PHF7: variants seen among roughly 807,000 people sequenced by gnomAD.
The protein encoded by PHF7 is PHD finger protein 7.
In PHF7, 24 loss-of-function variants were observed where a neutral mutation model predicts 47.5. The ratio of observed to expected loss-of-function variants is 0.51; its 90% CI spans 0.37 to 0.71. The LOEUF (loss-of-function observed/expected upper bound fraction) is 0.71, where lower values mean the gene tolerates loss of function less well. Ranked by LOEUF, PHF7 falls within the 30% of genes least tolerant of loss-of-function variation. PHF7 has a pLI of 0.00. For synonymous variants in PHF7, 156 were observed against 153.8 expected (o/e 1.01, Z -0.11); for missense variants, 361 against 456.8 (o/e 0.79, Z 1.91).
rs1470152258 is a variant in PHF7, at chr3:52,414,023, C to G, written c.69C>G (p.Thr23=). 1 of 1,611,506 alleles carries G rather than the reference C, an allele frequency of 6.2e-7. No homozygotes were observed. Among genetic ancestry groups the G allele is most frequent in the Non-Finnish European group, 8.5e-7 (1 of 1,177,722 alleles). Residue 23 remains threonine, a synonymous_variant, in exon 3 of 11, where the codon ACC becomes ACG. Transcript: ENST00000327906. ...AATCTGCCAAGACTAGGAGGGTAAC[C>G]CAGAGGAAACCGTCTTCAGGGCCTG... ...LRKSAKTRRV[T]QRKPSSGPVC...
At chr3:52,413,493 G>T (rs533933580) in intron 2 of PHF7, among the ~76,000 whole-genome samples, 1 of 152,088 alleles carries the variant, frequency 6.6e-6, no homozygotes, top group African/African-American at 2.4e-5. Flanking sequence ...CTTACAATCC[G>T]GTTCCTGCCC....
At chr3:52,420,663 G>C (rs1193689792) in intron 6 of PHF7, among the ~76,000 whole-genome samples, 1 of 152,174 alleles carries the variant, frequency 6.6e-6, no homozygotes, top group Non-Finnish European at 1.5e-5. Flanking sequence ...TTAGACAGCT[G>C]CTCAGCACTA....
At chr3:52,420,090 TGGG>T (rs1253724482) in intron 5 of PHF7, 156 bp downstream of exon 5, 22 of 745,026 alleles carry the variant, frequency 3.0e-5, no homozygotes, top group Non-Finnish European at 4.1e-5. Flanking sequence ...CTCTGGGGTA[TGGG>T]TGTCCTAAGT....
In PHF7 at chr3:52,423,362, G is replaced by A. The variant is rs1328431085; in HGVS notation, c.*45G>A. On this transcript the variant is annotated 3_prime_UTR_variant, in exon 11 of 11. Coordinates refer to ENST00000327906, the MANE Select transcript of PHF7 (RefSeq NM_016483.7). ...GTCCCACACAATAGGGTATGAAGCT[G>A]CGCTCCTCCATCGGGTTTGGGGAGG... 7.8e-7 allele frequency: 1 copy of A among 1,289,318 alleles called. No individual in the cohort carries two copies. The highest frequency in any genetic ancestry group is 2.3e-5 in the East Asian group (1 of 43,308). The allele number at this position is 1,289,318 out of a possible 1,614,324, so 79.9% of individuals were successfully genotyped here. A position where few individuals can be genotyped will look rare whatever the true frequency, so the allele number is the denominator to read the frequency against.
intron 3 of PHF7, 128 bp from the exon 4 acceptor site, chr3:52,414,368 C>T: frequency 2.9e-6 from 2 of 680,978 alleles, no homozygotes; most frequent in Non-Finnish European, 2.6e-6. Flanking sequence ...CAACCTTCCT[C>T]CTTGCCAAAA....
Position 52,414,596 on chromosome 3 carries a change from G to C in PHF7, c.186+9G>C, listed in dbSNP as rs1361416983. 3.3e-6 allele frequency: 5 copies of C among 1,538,186 alleles called. No homozygotes were observed. The highest frequency in any genetic ancestry group is 3.6e-6 in the Non-Finnish European group (4 of 1,112,660). ...TGCATTATTTCTGTCTTGTGAGTAT[G>C]AGGCCTCCTTTGCTTTGAATATCCT... On this transcript the variant is annotated intron_variant, in intron 4 of 10. Transcript: ENST00000327906.
rs1288842180 is a variant in PHF7 at position 52,414,008 on chromosome 3, G to A, written c.54G>A (p.Lys18=). 1.9e-6 allele frequency: 3 copies of A among 1,609,994 alleles called. No individual in the cohort carries two copies. Among genetic ancestry groups the A allele is most frequent in the Non-Finnish European group, 2.6e-6 (3 of 1,176,412 alleles). Residue 18 remains lysine, a synonymous_variant, in exon 3 of 11, where the codon AAG becomes AAA. Coordinates refer to ENST00000327906, the MANE Select transcript of PHF7 (RefSeq NM_016483.7). ...TTCTCTTGTATAGAAAATCTGCCAA[G>A]ACTAGGAGGGTAACCCAGAGGAAAC... The part of the protein sequence containing the change: ...KECQRLRKSA[K]TRRVTQRKPS...
In PHF7 at chr3:52,421,756, T is replaced by C. The variant is rs113459809; in HGVS notation, c.680+2T>C. 1 of 1,518,316 alleles carries C rather than the reference T, an allele frequency of 6.6e-7. No individual in the cohort carries two copies. The highest frequency in any genetic ancestry group is 1.7e-5 in the Admixed American group (1 of 59,886). The allele number at this position is 1,518,316 out of a possible 1,614,324, so 94.1% of individuals were successfully genotyped here. On this transcript the variant is annotated splice_donor_variant, in intron 8 of 10. Transcript: ENST00000327906. LOFTEE classifies it high-confidence loss of function. Reference sequence around the variant, plus strand: ...AATGGGAATTCATATTCCAGACAGGTAGTGGGAACCCCAAAGCAGGAACTG... The same window carrying C: ...AATGGGAATTCATATTCCAGACAGGCAGTGGGAACCCCAAAGCAGGAACTG...
Position 52,420,896 on chromosome 3 carries a change from G to T in PHF7, c.414-7G>T. On this transcript the variant is annotated splice_polypyrimidine_tract_variant and splice_region_variant and intron_variant, in intron 6 of 10. Transcript: ENST00000327906. Reference sequence around the variant, plus strand: ...AACCAGAAACCAAGTCTGTTTACCTGCCACAGATCATTTTGTGACAAACAT... The same window carrying T: ...AACCAGAAACCAAGTCTGTTTACCTTCCACAGATCATTTTGTGACAAACAT... The T allele has an allele frequency of 1.2e-6, 2 of 1,604,272 alleles. No homozygotes were observed. The highest frequency in any genetic ancestry group is 1.7e-6 in the Non-Finnish European group (2 of 1,175,470).
Position 52,411,111 on chromosome 3 carries a change from A to G in PHF7, c.-206A>G, listed in dbSNP as rs1705413138. 6.6e-6 allele frequency: 1 copy of G among 152,266 alleles called. No homozygotes were observed. The highest frequency in any genetic ancestry group is 1.5e-5 in the Non-Finnish European group (1 of 68,062). 9.4% of individuals were successfully genotyped at this position (152,266 alleles called of 1,614,324 possible). A position where few individuals can be genotyped will look rare whatever the true frequency, so the allele number is the denominator to read the frequency against. On this transcript the variant is annotated 5_prime_UTR_variant, in exon 1 of 11. Coordinates refer to ENST00000327906, the MANE Select transcript of PHF7 (RefSeq NM_016483.7). ...CCGGGTTAGGAAGCCACTGCCTGGC[A>G]GCTTGTGGAAGCCTCATTTGCAAAG...
chr3:52,419,578 G>A (rs577823906), intron 4 of PHF7, among the ~76,000 whole-genome samples: 49 of 152,030 alleles, frequency 3.2e-4, no homozygotes, highest in African/African-American at 9.9e-4. Flanking sequence ...CTACAGGTGC[G>A]TGCCACCACA....
At chr3:52,411,596 G>A (rs759866464) in intron 1 of PHF7, among the ~76,000 whole-genome samples, 3 of 152,220 alleles carry the variant, frequency 2.0e-5, no homozygotes, top group Non-Finnish European at 4.4e-5. Flanking sequence ...ATACTGGAGT[G>A]TCTCTGGAGT....
rs777747857 is a variant in PHF7 at position 52,412,916 on chromosome 3, T to C, written c.37T>C (p.Leu13=). ...AAAAGAAAAGAAGGAATGCCAGAGA[T>C]TGAGGTAGAAGTAGTTGACATAGGG... The part of the protein sequence containing the change: ...TVKEKKECQR[L]RKSAKTRRVT... The change falls in exon 2 of 11, where the codon TTG becomes CTG. Residue 13 remains leucine, a synonymous_variant. Coordinates refer to ENST00000327906, the MANE Select transcript of PHF7 (RefSeq NM_016483.7). 6 of 1,609,300 alleles carry C rather than the reference T, an allele frequency of 3.7e-6. No individual in the cohort carries two copies. In the South Asian group the frequency reaches 5.5e-5, roughly 15 times the overall value.
chr3:52,415,037 G>A (rs1559598546), intron 4 of PHF7, among the ~76,000 whole-genome samples: 1 of 152,072 alleles, frequency 6.6e-6, no homozygotes, highest in Non-Finnish European at 1.5e-5. Context: ...AATCTTGACA[G>A]TATAAAGTAA....
chr3:52,414,769 G>A, intron 4 of PHF7, 182 bp downstream of exon 4: 1 of 288,774 alleles, frequency 3.5e-6, no homozygotes, highest in Non-Finnish European at 6.5e-6. Flanking sequence ...AGCACTCTGG[G>A]AGGCCGAGGC....
intron 1 of PHF7, among the ~76,000 whole-genome samples, chr3:52,412,143 C>G (rs1443738497): frequency 6.6e-6 from 1 of 151,688 alleles, no homozygotes; most frequent in South Asian, 2.1e-4. Flanking sequence ...AGGAAAGTGG[C>G]ACTTTCATGC....
In PHF7 at chr3:52,412,931, T is replaced by C. The variant is rs1174928891; in HGVS notation, c.41+11T>C. On this transcript the variant is annotated intron_variant, in intron 2 of 10. Transcript: ENST00000327906. ...ATGCCAGAGATTGAGGTAGAAGTAG[T>C]TGACATAGGGAATTTGGGAGAAATT... 4 of 1,603,694 alleles carry C rather than the reference T, an allele frequency of 2.5e-6. No individual in the cohort carries two copies. Among genetic ancestry groups the C allele is most frequent in the Admixed American group, 3.3e-5 (2 of 59,992 alleles).
intron 5 of PHF7, 96 bp downstream of exon 5, chr3:52,420,030 G>T (rs764540787): frequency 1.7e-4 from 134 of 798,436 alleles, no homozygotes; most frequent in Non-Finnish European, 2.6e-4. Context: ...TCCTAGTTTA[G>T]ATGTCAAAGG....
At position 52,411,125 on chromosome 3, in the gene PHF7, T is replaced by G. The variant is rs1705413835; in HGVS notation, c.-192T>G. 6.6e-6 allele frequency: 1 copy of G among 152,270 alleles called. No homozygotes were observed. The highest frequency in any genetic ancestry group is 6.5e-5 in the Admixed American group (1 of 15,286). The allele number at this position is 152,270 out of a possible 1,614,324, so 9.4% of individuals were successfully genotyped here. On this transcript the variant is annotated 5_prime_UTR_variant, in exon 1 of 11. Transcript: ENST00000327906. Reference sequence around the variant, plus strand: ...CACTGCCTGGCAGCTTGTGGAAGCCTCATTTGCAAAGCCACCCCTCAGATG... The same window carrying G: ...CACTGCCTGGCAGCTTGTGGAAGCCGCATTTGCAAAGCCACCCCTCAGATG...
Sources: gnomAD v4.1 joint callset for allele counts (sites outside exome capture counted in the v4.1 genomes callset) on GRCh38, gnomAD v4.1.1 for gene constraint, MANE v1.5 for transcripts, NCBI Gene and HGNC (gene_info 2026-07-23, HGNC 2026-07-21) for gene names.